The following GLRX5 variants were observed in gnomAD, a reference collection of about 807,000 sequenced individuals.
GLRX5 encodes glutaredoxin 5.
In GLRX5, 10 loss-of-function variants were observed where a neutral mutation model predicts 13.8. The ratio of observed to expected loss-of-function variants is 0.72; its 90% CI spans 0.45 to 1.23. GLRX5 has a LOEUF of 1.23. GLRX5 is among the 50% of genes most tolerant of loss of function. The pLI is 0.00. For synonymous variants in GLRX5, 98 were observed against 101.1 expected, an observed-to-expected ratio of 0.97 and a Z score of 0.18; for missense variants, 233 against 215.2, an observed-to-expected ratio of 1.08 and a Z score of -0.52.
chr14:95,544,113 A>G lies in GLRX5; in HGVS notation c.462A>G (p.Gln154=), dbSNP rs1891518298. 9 of 1,613,898 alleles carry G rather than the reference A, an allele frequency of 5.6e-6. No homozygotes were observed. In the East Asian group the frequency reaches 2.0e-4, roughly 36 times the overall value. ...CCCTTTTAGATGAAAAGAAAGACCA[A>G]GACTCCAAGTGAGGGCGGCCAAGTC... ...HSALLDEKKD[Q]DSK is the part of the protein sequence containing the mutation. Residue 154 remains glutamine (Q), a synonymous_variant, in exon 2 of 2, where the codon CAA becomes CAG. Coordinates refer to ENST00000331334, the MANE Select transcript of GLRX5 (RefSeq NM_016417.3).
intron 1 of GLRX5, among the ~76,000 whole-genome samples, chr14:95,537,513 C>T (rs902322124): frequency 2.0e-5 from 3 of 152,254 alleles, no homozygotes; most frequent in Admixed American, 6.5e-5. Context: ...GGTAAAAGCA[C>T]GTTCCCCAAA....
At chr14:95,542,694 G>A (rs531977876) in intron 1 of GLRX5, among the ~76,000 whole-genome samples, 23 of 152,154 alleles carry the variant, frequency 1.5e-4, no homozygotes, top group South Asian at 4.1e-4. Flanking sequence ...TGACTTTTCC[G>A]TTTTGTTTAT....
intron 1 of GLRX5, chr14:95,543,645 A>C: frequency 2.7e-6 from 1 of 376,802 alleles, no homozygotes; most frequent in Non-Finnish European, 4.9e-6. Flanking sequence ...TTTACTGAGA[A>C]TCTTGCTTAC....
At chr14:95,541,918 C>T (rs1285779414) in intron 1 of GLRX5, among the ~76,000 whole-genome samples, 1 of 152,116 alleles carries the variant, frequency 6.6e-6, no homozygotes, top group Non-Finnish European at 1.5e-5. Context: ...TCATGGAAAG[C>T]TTCACACAAT....
intron 1 of GLRX5, among the ~76,000 whole-genome samples, chr14:95,541,028 T>G (rs1393194841): frequency 6.6e-6 from 1 of 152,252 alleles, no homozygotes; most frequent in African/African-American, 2.4e-5. Flanking sequence ...TTCCTAGTGT[T>G]ACTCTGCCAT....
chr14:95,537,987 G>A (rs1470256896), intron 1 of GLRX5, among the ~76,000 whole-genome samples: 1 of 152,150 alleles, frequency 6.6e-6, no homozygotes. Context: ...CTTAATAAAG[G>A]AACTTATGCT....
chr14:95,542,980 C>G (rs1445134093), intron 1 of GLRX5: 2 of 449,498 alleles, frequency 4.4e-6, no homozygotes, highest in Non-Finnish European at 9.0e-6. Flanking sequence ...CAGTCATCAT[C>G]CTTGTGGCTC....
intron 1 of GLRX5, chr14:95,543,536 C>T (rs554820280): frequency 3.6e-4 from 114 of 312,594 alleles, no homozygotes; most frequent in South Asian, 3.1e-3. Flanking sequence ...TGAAGCTTGA[C>T]TGGTAGATGG....
chr14:95,538,070 ATTAACATT>A (rs1891410354), intron 1 of GLRX5, among the ~76,000 whole-genome samples: 1 of 149,294 alleles, frequency 6.7e-6, no homozygotes, highest in Non-Finnish European at 1.5e-5. Flanking sequence ...AAACTATTGT[ATTAACATT>A]TAGATCTAGT....
rs1286996668 is a variant in GLRX5 at position 95,536,086 on chromosome 14, G to A, written c.295+702G>A. 2.0e-5 allele frequency among the ~76,000 whole-genome samples: 3 copies of A among 152,220 alleles called. No homozygotes were observed. The East Asian group carries it at 5.8e-4, about 29-fold the overall frequency. On this transcript the variant is annotated intron_variant, in intron 1 of 1. Transcript: ENST00000331334. ...TGTGGGCCAGGGCTTGGAGAGGTTT[G>A]TGGGGAAAAGAAGCAGCCCTGGCTC...
At chr14:95,543,089 A>G in intron 1 of GLRX5, 1 of 456,050 alleles carries the variant, frequency 2.2e-6, no homozygotes, top group South Asian at 1.5e-5. Flanking sequence ...GATCACATGC[A>G]TGCTGGTTGG....
Position 95,544,468 on chromosome 14 carries a change from T to G in GLRX5, c.*343T>G. The G allele has an allele frequency of 7.8e-6, 2 of 256,210 alleles. No homozygotes were observed. Among genetic ancestry groups the G allele is most frequent in the South Asian group, 1.1e-4 (2 of 17,774 alleles). 15.9% of individuals were successfully genotyped at this position (256,210 alleles called of 1,614,324 possible). On this transcript the variant is annotated 3_prime_UTR_variant, in exon 2 of 2. Coordinates refer to ENST00000331334, the MANE Select transcript of GLRX5 (RefSeq NM_016417.3). The stretch of plus-strand genomic sequence containing the variant: ...CATGACCCCTCTGCAAATGTGTCAG[T>G]CTCCAAAGAGAGTATCTCCCCCCAA...
intron 1 of GLRX5, among the ~76,000 whole-genome samples, chr14:95,542,516 GA>G (rs1414951831): frequency 6.6e-6 from 1 of 152,018 alleles, no homozygotes; most frequent in Admixed American, 6.6e-5. Flanking sequence ...TAACTTTTAA[GA>G]AAAAAATAAA....
chr14:95,536,925 C>G (rs1198176243), intron 1 of GLRX5, among the ~76,000 whole-genome samples: 1 of 152,066 alleles, frequency 6.6e-6, no homozygotes, highest in African/African-American at 2.4e-5. Flanking sequence ...ATTCTCATGA[C>G]CCTTTTGTCT....
Position 95,535,081 on chromosome 14 carries a change from C to CGT in GLRX5, c.-7_-6dup. Reference sequence around the variant, plus strand: ...CCGGGCCGTCGTGGGCTCCGGCTTGCGTGCGGAGATGAGCGGGTCCCTCGG... The same window carrying CGT: ...CCGGGCCGTCGTGGGCTCCGGCTTGCGTGTGCGGAGATGAGCGGGTCCCTCGG... On this transcript the variant is annotated 5_prime_UTR_variant, in exon 1 of 2. Coordinates refer to ENST00000331334, the MANE Select transcript of GLRX5 (RefSeq NM_016417.3). 7.5e-7 allele frequency: 1 copy of CGT among 1,335,060 alleles called. No homozygotes were observed. The highest frequency in any genetic ancestry group is 9.7e-7 in the Non-Finnish European group (1 of 1,030,870). 82.7% of individuals were successfully genotyped at this position (1,335,060 alleles called of 1,614,324 possible).
At chr14:95,543,685 A>C in intron 1 of GLRX5, 1 of 460,442 alleles carries the variant, frequency 2.2e-6, no homozygotes, top group Non-Finnish European at 3.9e-6. Context: ...AAACCTTGGG[A>C]GATGAGGGTG....
chr14:95,543,474 A>G (rs1891507094), intron 1 of GLRX5: 2 of 314,880 alleles, frequency 6.4e-6, no homozygotes, highest in Non-Finnish European at 1.3e-5. Context: ...ACCGTGATGG[A>G]TCCATTTGGA....
At chr14:95,535,414 C>T (rs1428853971) in intron 1 of GLRX5, 30 bp downstream of exon 1, 1 of 1,536,328 alleles carries the variant, frequency 6.5e-7, no homozygotes, top group African/African-American at 1.4e-5. Flanking sequence ...CAGGCGCCCT[C>T]CGCCCCGGGC....
At position 95,543,943 on chromosome 14, in the gene GLRX5, A is replaced by G. The variant is rs189520179; in HGVS notation, c.296-4A>G. Reference sequence around the variant, plus strand: ...AATAACAAATAAATGTTCTTTCTCCATAGGCATTAAAGACTATTCCAACTG... The same window carrying G: ...AATAACAAATAAATGTTCTTTCTCCGTAGGCATTAAAGACTATTCCAACTG... On this transcript the variant is annotated splice_polypyrimidine_tract_variant and splice_region_variant and intron_variant, in intron 1 of 1. Transcript: ENST00000331334. 2.5e-6 allele frequency: 4 copies of G among 1,609,708 alleles called. No homozygotes were observed. The highest frequency in any genetic ancestry group is 1.3e-5 in the African/African-American group (1 of 74,950).
Sources: gnomAD v4.1 joint callset for allele counts (sites outside exome capture counted in the v4.1 genomes callset) on GRCh38, gnomAD v4.1.1 for gene constraint, MANE v1.5 for transcripts, NCBI Gene and HGNC (gene_info 2026-07-23, HGNC 2026-07-21) for gene names.